The following UHRF2 variants were observed in gnomAD, a reference collection of about 807,000 sequenced individuals.
UHRF2 encodes E3 ubiquitin-protein ligase UHRF2.
In UHRF2, 23 loss-of-function variants were observed where a neutral mutation model predicts 96.8. The observed-to-expected ratio is 0.24, with a 90% CI of 0.17 to 0.34. UHRF2 has a LOEUF of 0.34. UHRF2 is among the 10% of genes least tolerant of loss of function. The pLI is 1.00. For synonymous variants in UHRF2, 385 were observed against 332.6 expected, an observed-to-expected ratio of 1.16 and a Z score of -1.72; for missense variants, 685 against 981.5, an observed-to-expected ratio of 0.70 and a Z score of 4.04.
intron 10 of UHRF2, chr9:6,496,590 C>T (rs1467499385): frequency 6.6e-6 from 1 of 152,184 alleles, no homozygotes; most frequent in African/African-American, 2.4e-5. Flanking sequence ...TCTTCATTGT[C>T]ATTAGCACAG....
intron 5 of UHRF2, among the ~76,000 whole-genome samples, chr9:6,476,341 A>G (rs200195688): frequency 6.6e-6 from 1 of 152,074 alleles, no homozygotes; most frequent in Non-Finnish European, 1.5e-5. Context: ...TGTTTCTGTA[A>G]TTTTGTTAGC....
At chr9:6,433,646 G>C (rs1320226412) in intron 2 of UHRF2, among the ~76,000 whole-genome samples, 1 of 152,152 alleles carries the variant, frequency 6.6e-6, no homozygotes, top group Admixed American at 6.6e-5. Flanking sequence ...ATTTTCAAAA[G>C]TCTAGTGTAT....
chr9:6,441,699 AT>A (rs2130790634), intron 3 of UHRF2, among the ~76,000 whole-genome samples: 1 of 151,756 alleles, frequency 6.6e-6, no homozygotes, highest in East Asian at 1.9e-4. Flanking sequence ...CTGAGCATTC[AT>A]TCTTATTTTA....
At chr9:6,433,527 A>G (rs892567383) in intron 2 of UHRF2, among the ~76,000 whole-genome samples, 2 of 152,198 alleles carry the variant, frequency 1.3e-5, no homozygotes. Flanking sequence ...AGGATTATGA[A>G]GAAATTAATG....
chr9:6,465,315 G>A (rs534803483), intron 4 of UHRF2, among the ~76,000 whole-genome samples: 13 of 152,192 alleles, frequency 8.5e-5, no homozygotes, highest in East Asian at 1.9e-4. Context: ...TGTCCTTCAC[G>A]GATTTATGCT....
chr9:6,463,801 ATC>A (rs1290818645), intron 4 of UHRF2, among the ~76,000 whole-genome samples: 2 of 151,992 alleles, frequency 1.3e-5, no homozygotes. Context: ...ATGATTAGAA[ATC>A]TTTCATCCTC....
chr9:6,469,793 T>C (rs4740846), intron 4 of UHRF2, among the ~76,000 whole-genome samples: 5,729 of 150,720 alleles, frequency 0.038, 150 homozygotes, highest in Admixed American at 0.069. Context: ...TATGTATATA[T>C]GTGTATATAT....
intron 2 of UHRF2, among the ~76,000 whole-genome samples, chr9:6,428,524 T>C (rs993856559): frequency 1.4e-5 from 2 of 145,346 alleles, no homozygotes; most frequent in East Asian, 2.1e-4. Context: ...TGGAACCATA[T>C]TGCTTTTGCT....
intron 15 of UHRF2, 138 bp downstream of exon 15, chr9:6,504,829 A>G: frequency 1.8e-6 from 1 of 570,066 alleles, no homozygotes; most frequent in Non-Finnish European, 3.1e-6. Flanking sequence ...GCATTTAGTT[A>G]CGTCTTGGTG....
At chr9:6,454,011 A>G (rs1240826621) in intron 3 of UHRF2, among the ~76,000 whole-genome samples, 1 of 147,354 alleles carries the variant, frequency 6.8e-6, no homozygotes, top group Non-Finnish European at 1.5e-5. Context: ...TAATAAAAAA[A>G]TACTAATTGA....
intron 3 of UHRF2, among the ~76,000 whole-genome samples, chr9:6,450,046 A>G (rs912299186): frequency 1.3e-5 from 2 of 152,180 alleles, no homozygotes; most frequent in Admixed American, 1.3e-4. Context: ...GCTTCATGCT[A>G]TAATGTGTAG....
chr9:6,468,508 G>A (rs1342027079), intron 4 of UHRF2: 2 of 456,074 alleles, frequency 4.4e-6, no homozygotes, highest in South Asian at 3.1e-5. Context: ...AGGTAGCTTT[G>A]TAGTTGTGTT....
At chr9:6,431,939 C>T (rs114049623) in intron 2 of UHRF2, among the ~76,000 whole-genome samples, 1 of 152,162 alleles carries the variant, frequency 6.6e-6, no homozygotes, top group East Asian at 1.9e-4. Flanking sequence ...ATGAAACTTA[C>T]ATTTTGATTT....
chr9:6,444,700 C>G (rs763294131), intron 3 of UHRF2, among the ~76,000 whole-genome samples: 1 of 152,148 alleles, frequency 6.6e-6, no homozygotes, highest in Non-Finnish European at 1.5e-5. Flanking sequence ...CTCCAGGGTT[C>G]AAGTGATGTC....
At chr9:6,493,079 C>G (rs560577276) in intron 9 of UHRF2, among the ~76,000 whole-genome samples, 2 of 152,180 alleles carry the variant, frequency 1.3e-5, no homozygotes, top group African/African-American at 2.4e-5. Context: ...GGGTGGATCA[C>G]TTGAGACCGG....
chr9:6,447,135 C>G (rs1328216143), intron 3 of UHRF2, among the ~76,000 whole-genome samples: 1 of 152,034 alleles, frequency 6.6e-6, no homozygotes, highest in African/African-American at 2.4e-5. Context: ...ATGATCTGCC[C>G]GCTTCTGCCT....
intron 2 of UHRF2, among the ~76,000 whole-genome samples, chr9:6,432,719 A>C (rs919461858): frequency 3.3e-5 from 5 of 152,200 alleles, no homozygotes; most frequent in Non-Finnish European, 7.3e-5. Flanking sequence ...TTCTCCCTTC[A>C]AGGAAAAGAT....
chr9:6,506,046 G>T lies in UHRF2; in HGVS notation c.2276G>T (p.Arg759Leu). ...FHNVCKDCLQ[R>L]SFKAQVFSCP... is the part of the protein sequence containing the mutation. Reference sequence around the variant, plus strand: ...TTTTTACCATAGGATTGCCTACAGCGCTCCTTTAAGGCACAGGTTTTCTCC... The same window carrying T: ...TTTTTACCATAGGATTGCCTACAGCTCTCCTTTAAGGCACAGGTTTTCTCC... The change falls in exon 16 of 16, where the codon CGC becomes CTC. Residue 759 changes from arginine (R) to leucine (L), a missense_variant. Around this residue, in one of 6 missense-constraint regions of UHRF2, gnomAD observed 71 missense variants for 114.1 expected, o/e 0.62. Transcript: ENST00000276893. 6.2e-7 allele frequency: 1 copy of T among 1,614,024 alleles called. No homozygotes were observed. The highest frequency in any genetic ancestry group is 8.5e-7 in the Non-Finnish European group (1 of 1,179,980).
intron 8 of UHRF2, among the ~76,000 whole-genome samples, chr9:6,485,346 CGT>C (rs1824202952): frequency 6.6e-6 from 1 of 151,722 alleles, no homozygotes; most frequent in South Asian, 2.1e-4. Flanking sequence ...CTGTCTGTCA[CGT>C]ATTTATTTTC....
Sources: allele counts gnomAD v4.1 joint callset (sites outside exome capture counted in the v4.1 genomes callset), GRCh38; gene constraint gnomAD v4.1.1; regional missense constraint gnomAD v4.1.1; transcripts MANE v1.5; gene names NCBI Gene and HGNC (gene_info 2026-07-23, HGNC 2026-07-21).